MLLT3: variants seen among roughly 807,000 people sequenced by gnomAD.
MLLT3 encodes protein AF-9.
In MLLT3, 4 loss-of-function variants were observed where a neutral mutation model predicts 53.2. The observed-to-expected ratio is 0.08, with a 90% confidence interval of 0.04 to 0.17. MLLT3 has a LOEUF of 0.17. Among genes scored for constraint, MLLT3 ranks in the 10% least tolerant of loss-of-function variants. The pLI, the probability that MLLT3 is intolerant of heterozygous loss-of-function variation, is 1.00. For synonymous variants in MLLT3, 283 were observed against 230.6 expected (o/e 1.23, Z -2.06); for missense variants, 569 against 684.0 (o/e 0.83, Z 1.87).
intron 8 of MLLT3, among the ~76,000 whole-genome samples, chr9:20,358,677 C>G (rs1316145917): frequency 1.3e-5 from 2 of 152,124 alleles, no homozygotes; most frequent in Non-Finnish European, 2.9e-5. Flanking sequence ...GAGTTGCATT[C>G]CCTAGCAAGC....
At chr9:20,400,975 G>A (rs1822440172) in intron 5 of MLLT3, among the ~76,000 whole-genome samples, 4 of 152,104 alleles carry the variant, frequency 2.6e-5, no homozygotes, top group Admixed American at 6.6e-5. Flanking sequence ...GAGATAGGAA[G>A]AACAACTCAA....
chr9:20,513,632 G>GT (rs1354467870), intron 2 of MLLT3, among the ~76,000 whole-genome samples: 12 of 152,146 alleles, frequency 7.9e-5, no homozygotes, highest in Non-Finnish European at 7.3e-5. Context: ...CTACCGTGGC[G>GT]TATCTGCAGC....
intron 2 of MLLT3, among the ~76,000 whole-genome samples, chr9:20,562,640 A>T (rs1819245178): frequency 6.6e-6 from 1 of 152,200 alleles, no homozygotes; most frequent in Non-Finnish European, 1.5e-5. Context: ...CAGAAGAATC[A>T]TTTCCCAGAT....
At chr9:20,493,417 C>T (rs565875957) in intron 2 of MLLT3, among the ~76,000 whole-genome samples, 3 of 152,048 alleles carry the variant, frequency 2.0e-5, no homozygotes, top group South Asian at 2.1e-4. Context: ...TCTTTTAACA[C>T]TCAGGAAGGG....
intron 2 of MLLT3, among the ~76,000 whole-genome samples, chr9:20,540,053 C>T (rs917600946): frequency 3.3e-5 from 5 of 152,236 alleles, no homozygotes; most frequent in African/African-American, 1.2e-4. Context: ...GTCACTAAAT[C>T]TTAAAGCTTC....
At chr9:20,577,182 A>G (rs1819676072) in intron 2 of MLLT3, among the ~76,000 whole-genome samples, 1 of 152,148 alleles carries the variant, frequency 6.6e-6, no homozygotes, top group African/African-American at 2.4e-5. Context: ...AATTTAATAT[A>G]TTTAATAACT....
intron 4 of MLLT3, among the ~76,000 whole-genome samples, chr9:20,438,235 T>A (rs987832357): frequency 6.6e-6 from 1 of 152,210 alleles, no homozygotes; most frequent in Non-Finnish European, 1.5e-5. Context: ...AGCTTTAACA[T>A]CAAAATCACC....
intron 2 of MLLT3, among the ~76,000 whole-genome samples, chr9:20,543,428 G>C (rs562939194): frequency 6.6e-6 from 1 of 152,258 alleles, no homozygotes; most frequent in South Asian, 2.1e-4. Flanking sequence ...CCCCAAAACA[G>C]TTACAATAGT....
chr9:20,476,649 C>T (rs181640863), intron 2 of MLLT3, among the ~76,000 whole-genome samples: 1 of 152,192 alleles, frequency 6.6e-6, no homozygotes, highest in East Asian at 1.9e-4. Flanking sequence ...GGTTGAGATT[C>T]CTTGGAAATG....
intron 2 of MLLT3, among the ~76,000 whole-genome samples, chr9:20,502,750 G>C (rs1157664731): frequency 6.6e-6 from 1 of 152,158 alleles, no homozygotes; most frequent in Non-Finnish European, 1.5e-5. Flanking sequence ...GGAGGTCCTG[G>C]AACCAATCCC....
intron 2 of MLLT3, among the ~76,000 whole-genome samples, chr9:20,554,580 A>G (rs1205617743): frequency 2.0e-5 from 3 of 152,228 alleles, no homozygotes; most frequent in Admixed American, 1.3e-4. Flanking sequence ...CTCTCAATAA[A>G]ACAAAGTTCA....
At chr9:20,619,553 T>A (rs957996387) in intron 2 of MLLT3, among the ~76,000 whole-genome samples, 2 of 152,198 alleles carry the variant, frequency 1.3e-5, no homozygotes, top group East Asian at 3.8e-4. Flanking sequence ...TAGATGCCAA[T>A]AAAGATTACG....
intron 2 of MLLT3, among the ~76,000 whole-genome samples, chr9:20,552,853 C>G (rs1320935998): frequency 6.6e-6 from 1 of 151,802 alleles, no homozygotes; most frequent in African/African-American, 2.4e-5. Flanking sequence ...AGGCAAGGTC[C>G]CAAATAAAAA....
chr9:20,357,507 G>A (rs909794138), intron 8 of MLLT3, among the ~76,000 whole-genome samples: 35 of 152,298 alleles, frequency 2.3e-4, no homozygotes, highest in African/African-American at 7.9e-4. Context: ...CTGAGAAAAT[G>A]TCTTGACAAA....
At chr9:20,376,687 A>G (rs775054610) in intron 5 of MLLT3, among the ~76,000 whole-genome samples, 12 of 152,156 alleles carry the variant, frequency 7.9e-5, no homozygotes, top group Non-Finnish European at 1.3e-4. Context: ...AGGGATGGCT[A>G]TCATTTTCTT....
intron 5 of MLLT3, among the ~76,000 whole-genome samples, chr9:20,399,132 G>A (rs1334154659): frequency 3.9e-5 from 6 of 152,086 alleles, no homozygotes; most frequent in African/African-American, 1.4e-4. Flanking sequence ...GTGTACCTCT[G>A]AGAGGGCCAA....
chr9:20,394,088 T>C (rs934435875), intron 5 of MLLT3, among the ~76,000 whole-genome samples: 4 of 152,252 alleles, frequency 2.6e-5, no homozygotes, highest in African/African-American at 9.6e-5. Flanking sequence ...GGAAAATGAC[T>C]CATATGCAGT....
chr9:20,448,301 G>C lies in MLLT3; in HGVS notation c.277-35C>G, dbSNP rs376995562. On this transcript the variant is annotated intron_variant, in intron 3 of 10. Coordinates refer to ENST00000380338, the MANE Select transcript of MLLT3 (RefSeq NM_004529.4). This position sits in a 1 kb window ranked among gnomAD's most constrained non-coding sequence, Gnocchi z 4.0. ...AACAAAAATTATGAAAGAAAAAAGA[G>C]AGTGAGGCATAAGTGAAATTTTAAA... 5 of 1,603,338 alleles carry C rather than the reference G, an allele frequency of 3.1e-6. No homozygotes were observed. The African/African-American group carries it at 5.4e-5, about 17-fold the overall frequency.
intron 2 of MLLT3, among the ~76,000 whole-genome samples, chr9:20,531,043 A>C (rs944492495): frequency 1.4e-4 from 22 of 152,102 alleles, no homozygotes; most frequent in Admixed American, 1.2e-3. Context: ...TTTCCCAAAA[A>C]AGAAAAATCC....
Sources: gnomAD v4.1 joint callset for allele counts (sites outside exome capture counted in the v4.1 genomes callset) on GRCh38, gnomAD v4.1.1 for gene constraint, Gnocchi (gnomAD v3.1) non-coding constraint, MANE v1.5 for transcripts, NCBI Gene and HGNC (gene_info 2026-07-23, HGNC 2026-07-21) for gene names.